The following PTPRG variants were observed in gnomAD, a reference collection of about 807,000 sequenced individuals.
PTPRG encodes the protein protein tyrosine phosphatase receptor type G.
In PTPRG, 102 loss-of-function variants were observed where a neutral mutation model predicts 165.3. That is an observed-to-expected ratio of 0.62 (90% CI 0.53 to 0.73). The LOEUF (loss-of-function observed/expected upper bound fraction) is 0.73, where lower values mean the gene tolerates loss of function less well. Ranked by LOEUF, PTPRG falls within the 30% of genes least tolerant of loss-of-function variation. The probability of loss-of-function intolerance (pLI) is 0.00; values close to 1 mark genes in which losing one functional copy is unlikely to be tolerated. For synonymous variants in PTPRG, 675 were observed against 669.5 expected (o/e 1.01, Z -0.13); for missense variants, 1,866 against 1,861.4 (o/e 1.00, Z -0.05).
intron 13 of PTPRG, among the ~76,000 whole-genome samples, chr3:62,226,247 T>C (rs1354359371): frequency 2.6e-5 from 4 of 152,234 alleles, no homozygotes; most frequent in East Asian, 1.9e-4. Context: ...CTTCCCTCCA[T>C]AGCCTACTTT....
intron 2 of PTPRG, among the ~76,000 whole-genome samples, chr3:61,863,781 C>T (rs1283121128): frequency 6.6e-6 from 1 of 152,124 alleles, no homozygotes; most frequent in African/African-American, 2.4e-5. Context: ...ACCATTTAAG[C>T]TGGTCAAAGG....
At chr3:61,844,987 C>T (rs998933551) in intron 2 of PTPRG, among the ~76,000 whole-genome samples, 5 of 152,170 alleles carry the variant, frequency 3.3e-5, no homozygotes, top group African/African-American at 4.8e-5. Flanking sequence ...TTTGTTGTTT[C>T]TAATCTTATT....
intron 1 of PTPRG, chr3:61,742,371 T>TAAAAATGTCC (rs2033024816): frequency 2.4e-5 from 24 of 1,000,822 alleles, no homozygotes; most frequent in Non-Finnish European, 3.1e-5. Context: ...TAGGACATTT[T>TAAAAATGTCC]TATAGGAAGA....
intron 2 of PTPRG, among the ~76,000 whole-genome samples, chr3:61,984,120 A>T (rs374637837): frequency 6.6e-6 from 1 of 152,134 alleles, no homozygotes; most frequent in Admixed American, 6.6e-5. Context: ...TATTCTCCCT[A>T]CTGTGGAAAT....
chr3:61,978,796 G>A (rs566114113), intron 2 of PTPRG, among the ~76,000 whole-genome samples: 61 of 152,218 alleles, frequency 4.0e-4, no homozygotes, highest in African/African-American at 1.4e-3. Flanking sequence ...ATGAATGAAC[G>A]GATATGACCA....
chr3:62,208,135 T>A (rs1700274871), intron 12 of PTPRG, among the ~76,000 whole-genome samples: 1 of 152,172 alleles, frequency 6.6e-6, no homozygotes, highest in Admixed American at 6.5e-5. Flanking sequence ...GAGTTGCAAC[T>A]TCCTGAGAAG....
chr3:62,021,952 C>CTGGAGAGA (rs997636747), intron 4 of PTPRG, among the ~76,000 whole-genome samples: 2 of 141,422 alleles, frequency 1.4e-5, no homozygotes, highest in African/African-American at 5.3e-5. Context: ...AAGAAAGTGT[C>CTGGAGAGA]TGGAGAGAGA....
At chr3:61,806,182 T>C (rs914812505) in intron 2 of PTPRG, among the ~76,000 whole-genome samples, 1 of 152,214 alleles carries the variant, frequency 6.6e-6, no homozygotes, top group African/African-American at 2.4e-5. Context: ...CTCAGTGTTA[T>C]CATTTTGGTC....
intron 19 of PTPRG, among the ~76,000 whole-genome samples, chr3:62,268,761 T>C (rs1701965692): frequency 6.6e-6 from 1 of 152,160 alleles, no homozygotes; most frequent in Non-Finnish European, 1.5e-5. Flanking sequence ...CTTTTAAAAA[T>C]GCATTATAAT....
At chr3:62,070,926 A>G (rs1412214414) in intron 4 of PTPRG, among the ~76,000 whole-genome samples, 1 of 150,930 alleles carries the variant, frequency 6.6e-6, no homozygotes, top group African/African-American at 2.5e-5. Flanking sequence ...CCTAAAACTT[A>G]AAGTATAATT....
chr3:61,595,177 A>C (rs1369722293), intron 1 of PTPRG, among the ~76,000 whole-genome samples: 4 of 150,744 alleles, frequency 2.7e-5, no homozygotes, highest in Non-Finnish European at 4.4e-5. Context: ...ACCGAACAAG[A>C]TGTGTTTGTT....
chr3:61,609,952 T>A (rs67407349), intron 1 of PTPRG, among the ~76,000 whole-genome samples: 13,422 of 151,428 alleles, frequency 0.089, 707 homozygotes, highest in East Asian at 0.21. Context: ...AAGACAGCCC[T>A]TCTATTAATA....
At chr3:61,797,964 T>C (rs114689082) in intron 2 of PTPRG, among the ~76,000 whole-genome samples, 1,645 of 152,302 alleles carry the variant, frequency 0.011, 25 homozygotes, top group African/African-American at 0.037. Context: ...GTCAATGGAC[T>C]ATTCTTCCCA....
intron 1 of PTPRG, among the ~76,000 whole-genome samples, chr3:61,635,432 C>A (rs1701882912): frequency 6.6e-6 from 1 of 151,620 alleles, no homozygotes. Flanking sequence ...TCTCAGCTCA[C>A]TGCAACCTTG....
At chr3:62,090,495 C>T (rs1245693878) in intron 5 of PTPRG, among the ~76,000 whole-genome samples, 1 of 152,106 alleles carries the variant, frequency 6.6e-6, no homozygotes, top group Admixed American at 6.6e-5. Flanking sequence ...CCCCCGCTGC[C>T]CTTTTTAATG....
At chr3:62,234,945 C>A (rs896510025) in intron 14 of PTPRG, among the ~76,000 whole-genome samples, 1 of 151,522 alleles carries the variant, frequency 6.6e-6, no homozygotes, top group Non-Finnish European at 1.5e-5. Flanking sequence ...TTCCCCCCCC[C>A]GAGATGGTCT....
At chr3:61,784,681 A>G (rs1219048683) in intron 2 of PTPRG, among the ~76,000 whole-genome samples, 4 of 152,162 alleles carry the variant, frequency 2.6e-5, no homozygotes, top group Non-Finnish European at 5.9e-5. Flanking sequence ...ATCATGATCT[A>G]TTTCTTCTGC....
chr3:61,634,177 A>C (rs762672220), intron 1 of PTPRG, among the ~76,000 whole-genome samples: 5 of 151,868 alleles, frequency 3.3e-5, no homozygotes, highest in Non-Finnish European at 5.9e-5. Context: ...TATGATCTAT[A>C]TACATTAATT....
chr3:62,277,337 G>A (rs1373336820), intron 25 of PTPRG, among the ~76,000 whole-genome samples: 1 of 151,986 alleles, frequency 6.6e-6, no homozygotes, highest in Non-Finnish European at 1.5e-5. Context: ...AAAACAGCAG[G>A]GTTAACTAGA....
Sources: allele counts gnomAD v4.1 joint callset (sites outside exome capture counted in the v4.1 genomes callset), GRCh38; gene constraint gnomAD v4.1.1; transcripts MANE v1.5; gene names NCBI Gene and HGNC (gene_info 2026-07-23, HGNC 2026-07-21).